Variants in ZDHHC17 observed in about 807,000 individuals in gnomAD.
The protein encoded by ZDHHC17 is palmitoyltransferase ZDHHC17.
In ZDHHC17, 40 loss-of-function variants were observed where a neutral mutation model predicts 90.3. The observed-to-expected ratio is 0.44, with a 90% CI of 0.34 to 0.58. The LOEUF is 0.58. Among genes scored for constraint, ZDHHC17 ranks in the 20% least tolerant of loss-of-function variants. ZDHHC17 has a pLI of 0.01. For synonymous variants in ZDHHC17, 235 were observed against 252.4 expected (o/e 0.93, Z 0.65); for missense variants, 614 against 780.8 (o/e 0.79, Z 2.55).
chr12:76,844,809 C>G (rs558498227), intron 12 of ZDHHC17: 1 of 152,070 alleles, frequency 6.6e-6, no homozygotes, highest in Non-Finnish European at 1.5e-5. Flanking sequence ...TTTGTTGAAA[C>G]GCTGAAGTAT....
chr12:76,777,548 A>G (rs558134007), intron 1 of ZDHHC17, among the ~76,000 whole-genome samples: 24 of 152,264 alleles, frequency 1.6e-4, no homozygotes, highest in African/African-American at 4.3e-4. Flanking sequence ...TGGGAGTGCA[A>G]TCACTGGGTC....
At chr12:76,818,039 T>C (rs1003088126) in intron 7 of ZDHHC17, among the ~76,000 whole-genome samples, 3 of 152,166 alleles carry the variant, frequency 2.0e-5, no homozygotes, top group Non-Finnish European at 2.9e-5. Flanking sequence ...TGTTTTAACT[T>C]TATCTGTCAC....
At chr12:76,787,742 T>C (rs1279585071) in intron 1 of ZDHHC17, among the ~76,000 whole-genome samples, 1 of 152,142 alleles carries the variant, frequency 6.6e-6, no homozygotes, top group Non-Finnish European at 1.5e-5. Flanking sequence ...TGTGGCTGGA[T>C]ATAAGATAAA....
chr12:76,809,152 G>T, intron 4 of ZDHHC17, 32 bp downstream of exon 4: 1 of 1,478,774 alleles, frequency 6.8e-7, no homozygotes, highest in Non-Finnish European at 9.1e-7. Flanking sequence ...TTTTTCCTTT[G>T]GTTCCTTTAT....
intron 1 of ZDHHC17, among the ~76,000 whole-genome samples, chr12:76,792,894 T>A (rs1330564937): frequency 1.3e-5 from 2 of 152,124 alleles, no homozygotes; most frequent in Non-Finnish European, 2.9e-5. Context: ...CCCAATTCAA[T>A]GAAAACAGTG....
chr12:76,776,040 A>G (rs1952555297), intron 1 of ZDHHC17, among the ~76,000 whole-genome samples: 2 of 151,948 alleles, frequency 1.3e-5, no homozygotes, highest in African/African-American at 2.4e-5. Context: ...TTCCCATTAA[A>G]CTTTTTTTCC....
intron 1 of ZDHHC17, among the ~76,000 whole-genome samples, chr12:76,789,612 A>T (rs950979657): frequency 6.6e-6 from 1 of 152,210 alleles, no homozygotes; most frequent in Non-Finnish European, 1.5e-5. Context: ...AAAAGGAAAG[A>T]ATATTAAGGG....
intron 1 of ZDHHC17, among the ~76,000 whole-genome samples, chr12:76,792,498 C>G (rs1004676637): frequency 1.3e-5 from 2 of 152,054 alleles, no homozygotes; most frequent in Admixed American, 1.3e-4. Flanking sequence ...TGAGTCTTGT[C>G]ATGTTGATTT....
At chr12:76,827,167 T>G in intron 9 of ZDHHC17, 117 bp downstream of exon 9, 3 of 1,168,994 alleles carry the variant, frequency 2.6e-6, no homozygotes, top group Non-Finnish European at 3.4e-6. Flanking sequence ...TTTAAATAAT[T>G]TAGACATCTG....
At chr12:76,794,849 A>G (rs1952800990) in intron 1 of ZDHHC17, among the ~76,000 whole-genome samples, 1 of 152,176 alleles carries the variant, frequency 6.6e-6, no homozygotes, top group Non-Finnish European at 1.5e-5. Flanking sequence ...CCTCAGAAAG[A>G]GACTTATTTT....
intron 7 of ZDHHC17, among the ~76,000 whole-genome samples, chr12:76,820,797 CT>C (rs1174164288): frequency 2.0e-5 from 3 of 152,086 alleles, no homozygotes; most frequent in Non-Finnish European, 2.9e-5. Context: ...TGAATGATTT[CT>C]TTTATTAACA....
rs576677865 is a variant in ZDHHC17, at chr12:76,846,024, T to C, written c.1423+222T>C. On this transcript the variant is annotated intron_variant, in intron 13 of 16. Transcript: ENST00000426126. The stretch of plus-strand genomic sequence containing the variant: ...TTCTCTGTCAGTTCTATCTGGTGCC[T>C]ACTCTTGATAAGGAGGCAAAATTTT... Among the ~76,000 whole-genome samples, 11 of 152,296 alleles carry C rather than the reference T, an allele frequency of 7.2e-5. No homozygotes were observed. In the South Asian group the frequency reaches 2.1e-3, roughly 29 times the overall value.
chr12:76,819,849 C>T (rs1375807281), intron 7 of ZDHHC17, among the ~76,000 whole-genome samples: 4 of 151,880 alleles, frequency 2.6e-5, no homozygotes, highest in Admixed American at 6.6e-5. Context: ...CAAAATTAGC[C>T]GGGCGTGGTG....
intron 1 of ZDHHC17, among the ~76,000 whole-genome samples, chr12:76,772,370 C>T (rs1952502459): frequency 6.6e-6 from 1 of 152,114 alleles, no homozygotes; most frequent in South Asian, 2.1e-4. Context: ...CATATGCTCC[C>T]TGCCTGTACA....
chr12:76,837,591 T>C (rs1953383529), intron 10 of ZDHHC17, among the ~76,000 whole-genome samples: 1 of 152,224 alleles, frequency 6.6e-6, no homozygotes, highest in African/African-American at 2.4e-5. Flanking sequence ...TCCCTCAGAT[T>C]TTCTTAATAT....
intron 1 of ZDHHC17, among the ~76,000 whole-genome samples, chr12:76,784,139 A>G (rs1952659826): frequency 6.6e-6 from 1 of 152,260 alleles, no homozygotes; most frequent in African/African-American, 2.4e-5. Flanking sequence ...CCACCACACA[A>G]CATATACAGA....
intron 6 of ZDHHC17, 24 bp from the exon 7 acceptor site, chr12:76,815,833 G>GC: frequency 8.8e-7 from 1 of 1,141,504 alleles, no homozygotes; most frequent in Non-Finnish European, 1.2e-6. Context: ...GTTGTTGTTT[G>GC]TTTTTTTTTT....
intron 3 of ZDHHC17, 88 bp from the exon 4 acceptor site, chr12:76,808,951 GAAAT>G (rs1246896488): frequency 4.0e-5 from 29 of 734,100 alleles, no homozygotes; most frequent in Admixed American, 1.2e-4. Flanking sequence ...CATGAGATCT[GAAAT>G]AGAAAACATG....
At chr12:76,785,127 T>C (rs1353694431) in intron 1 of ZDHHC17, among the ~76,000 whole-genome samples, 2 of 152,244 alleles carry the variant, frequency 1.3e-5, no homozygotes, top group African/African-American at 4.8e-5. Context: ...CAGTTCTGAA[T>C]TGGCTCCTTC....
Sources: allele counts gnomAD v4.1 joint callset (sites outside exome capture counted in the v4.1 genomes callset), GRCh38; gene constraint gnomAD v4.1.1; transcripts MANE v1.5; gene names NCBI Gene and HGNC (gene_info 2026-07-23, HGNC 2026-07-21).